The following ARHGAP28 variants were observed in gnomAD, a reference collection of about 807,000 sequenced individuals.
ARHGAP28 encodes Rho GTPase activating protein 28, also known as rho GTPase-activating protein 28.
Under a neutral mutation model 90.7 loss-of-function variants are expected in ARHGAP28, and 56 were observed. That is an observed-to-expected ratio of 0.62 (90% confidence interval 0.50 to 0.77). The LOEUF (loss-of-function observed/expected upper bound fraction) is 0.77. Among genes scored for constraint, ARHGAP28 ranks in the 30% least tolerant of loss-of-function variants. ARHGAP28 has a pLI of 0.00. For missense variants in ARHGAP28, 869 were observed against 900.9 expected, an observed-to-expected ratio of 0.96 and a Z score of 0.45; for synonymous variants, 308 against 323.3, an observed-to-expected ratio of 0.95 and a Z score of 0.51.
In ARHGAP28 at chr18:6,796,544, T is replaced by G. The variant is rs368252024; in HGVS notation, c.123-28218T>G. ...TGTAGGTCATTTTCTTCAGAAAAGG[T>G]ACATTGTCATACAGGCTACGAGATT... On this transcript the variant is annotated intron_variant, in intron 1 of 17. Coordinates refer to ENST00000383472, the MANE Select transcript of ARHGAP28 (RefSeq NM_001366230.1). Among the ~76,000 whole-genome samples, 10 of 151,502 alleles carry G rather than the reference T, an allele frequency of 6.6e-5. No individual in the cohort carries two copies. The East Asian group carries it at 1.5e-3, about 23-fold the overall frequency.
intron 4 of ARHGAP28, among the ~76,000 whole-genome samples, chr18:6,856,863 A>G (rs936731897): frequency 7.2e-5 from 11 of 152,186 alleles, no homozygotes; most frequent in Admixed American, 2.0e-4. Flanking sequence ...TAATTATAGT[A>G]TGTTCTTTTA....
intron 1 of ARHGAP28, among the ~76,000 whole-genome samples, chr18:6,780,747 G>A (rs899736395): frequency 7.9e-5 from 12 of 152,020 alleles, no homozygotes; most frequent in Admixed American, 1.3e-4. Flanking sequence ...AAATTAGCCA[G>A]GCATGGTCGT....
intron 11 of ARHGAP28, among the ~76,000 whole-genome samples, chr18:6,885,162 A>G (rs2057210257): frequency 6.6e-6 from 1 of 152,220 alleles, no homozygotes; most frequent in African/African-American, 2.4e-5. Context: ...GTTCTGAGAA[A>G]TATCCTGAAA....
intron 16 of ARHGAP28, chr18:6,898,588 G>T: frequency 6.3e-7 from 1 of 1,599,332 alleles, no homozygotes; most frequent in African/African-American, 1.4e-5. Flanking sequence ...GTCATATAGA[G>T]ACTTGAAATA....
intron 1 of ARHGAP28, among the ~76,000 whole-genome samples, chr18:6,806,187 CCTGA>C (rs1441915007): frequency 6.6e-6 from 1 of 152,180 alleles, no homozygotes; most frequent in Non-Finnish European, 1.5e-5. Context: ...AGCCACCGTG[CCTGA>C]CTATTTTTCC....
chr18:6,885,358 A>C (rs945766060), intron 11 of ARHGAP28, among the ~76,000 whole-genome samples: 4 of 152,140 alleles, frequency 2.6e-5, no homozygotes, highest in Non-Finnish European at 5.9e-5. Flanking sequence ...TCTGAAGGGG[A>C]GGATTGTGAA....
At chr18:6,840,458 T>G (rs1406188996) in intron 3 of ARHGAP28, among the ~76,000 whole-genome samples, 1 of 152,192 alleles carries the variant, frequency 6.6e-6, no homozygotes, top group Non-Finnish European at 1.5e-5. Flanking sequence ...TAAAGGGTAT[T>G]TTTTGTGCAC....
At chr18:6,885,662 G>A (rs1449681819) in intron 11 of ARHGAP28, among the ~76,000 whole-genome samples, 3 of 152,068 alleles carry the variant, frequency 2.0e-5, no homozygotes, top group Admixed American at 2.0e-4. Context: ...GTTGGGCCAG[G>A]TTTCCTAAGT....
intron 4 of ARHGAP28, among the ~76,000 whole-genome samples, chr18:6,856,998 G>A (rs975225739): frequency 6.6e-6 from 1 of 152,138 alleles, no homozygotes; most frequent in Non-Finnish European, 1.5e-5. Flanking sequence ...TTCACCTGAT[G>A]ATGGACATTT....
chr18:6,907,067 G>C (rs564019564), intron 16 of ARHGAP28, among the ~76,000 whole-genome samples: 1 of 152,226 alleles, frequency 6.6e-6, no homozygotes, highest in East Asian at 1.9e-4. Flanking sequence ...GTTCAACATC[G>C]TTGGCCATTA....
At chr18:6,796,223 G>A (rs758819400) in intron 1 of ARHGAP28, among the ~76,000 whole-genome samples, 1 of 152,176 alleles carries the variant, frequency 6.6e-6, no homozygotes, top group Non-Finnish European at 1.5e-5. Context: ...TGGTAGCAGA[G>A]TGCATGCACA....
chr18:6,752,196 A>T (rs1461716860), intron 1 of ARHGAP28, among the ~76,000 whole-genome samples: 1 of 152,196 alleles, frequency 6.6e-6, no homozygotes, highest in Admixed American at 6.5e-5. Flanking sequence ...TGGTAGACTA[A>T]TAAGGTTTCT....
At position 6,881,432 on chromosome 18, in the gene ARHGAP28, C is replaced by T. The variant is rs1274965211; in HGVS notation, c.1291-705C>T. 7.2e-5 allele frequency among the ~76,000 whole-genome samples: 11 copies of T among 152,280 alleles called. No individual in the cohort carries two copies. In the East Asian group the frequency reaches 2.1e-3, roughly 29 times the overall value. The stretch of plus-strand genomic sequence containing the variant: ...AAATGAGTTTGCCTTTGAAAAGAAA[C>T]ATGAAGCCTGAGTGGCATTGATAAT... On this transcript the variant is annotated intron_variant, in intron 10 of 17. Coordinates refer to ENST00000383472, the MANE Select transcript of ARHGAP28 (RefSeq NM_001366230.1).
chr18:6,895,008 C>T, intron 15 of ARHGAP28, 117 bp downstream of exon 15: 1 of 1,006,476 alleles, frequency 9.9e-7, no homozygotes, highest in Non-Finnish European at 1.5e-6. Flanking sequence ...TTGACATTTT[C>T]AATGTGGCAC....
chr18:6,833,873 G>A (rs1205165758), intron 2 of ARHGAP28, among the ~76,000 whole-genome samples: 1 of 152,004 alleles, frequency 6.6e-6, no homozygotes, highest in Non-Finnish European at 1.5e-5. Flanking sequence ...TTATTTAGTG[G>A]GTTTATCTTT....
At chr18:6,840,618 T>C (rs2056799536) in intron 3 of ARHGAP28, among the ~76,000 whole-genome samples, 1 of 152,136 alleles carries the variant, frequency 6.6e-6, no homozygotes, top group Non-Finnish European at 1.5e-5. Flanking sequence ...GGTGCATTTG[T>C]GGTGAGGAGT....
At chr18:6,827,325 T>C (rs8087978) in intron 2 of ARHGAP28, among the ~76,000 whole-genome samples, 100,757 of 137,892 alleles carry the variant, frequency 0.73, 36,093 homozygotes, top group South Asian at 0.77. Flanking sequence ...GGCTGAACCC[T>C]CCACCTCCCT....
intron 1 of ARHGAP28, chr18:6,779,003 G>T (rs1226301066): frequency 6.6e-6 from 1 of 152,218 alleles, no homozygotes; most frequent in African/African-American, 2.4e-5. Flanking sequence ...TTAAGCAGAG[G>T]TCAGAACATC....
intron 1 of ARHGAP28, among the ~76,000 whole-genome samples, chr18:6,754,999 T>A (rs987244105): frequency 6.6e-6 from 1 of 151,864 alleles, no homozygotes; most frequent in African/African-American, 2.4e-5. Flanking sequence ...TACAAAAAAA[T>A]TAGCTAGGTG....
Sources: allele counts gnomAD v4.1 joint callset (sites outside exome capture counted in the v4.1 genomes callset), GRCh38; gene constraint gnomAD v4.1.1; transcripts MANE v1.5; gene names NCBI Gene and HGNC (gene_info 2026-07-23, HGNC 2026-07-21).